Variants in SPATA13 observed in about 807,000 individuals in gnomAD.
SPATA13 encodes spermatogenesis-associated protein 13.
Under a neutral mutation model 104.0 loss-of-function variants are expected in SPATA13, and 50 were observed. The observed-to-expected ratio is 0.48, with a 90% CI of 0.38 to 0.61. The LOEUF is 0.61. Ranked by LOEUF, SPATA13 falls within the 20% of genes least tolerant of loss-of-function variation. The probability of loss-of-function intolerance (pLI) is 0.00; values close to 1 mark genes in which losing one functional copy is unlikely to be tolerated. For synonymous variants in SPATA13, 606 were observed against 667.5 expected, an observed-to-expected ratio of 0.91 and a Z score of 1.42; for missense variants, 1,524 against 1,690.6, an observed-to-expected ratio of 0.90 and a Z score of 1.73.
chr13:24,271,635 G>T (rs1341862337), intron 4 of SPATA13, among the ~76,000 whole-genome samples: 1 of 152,166 alleles, frequency 6.6e-6, no homozygotes, highest in Non-Finnish European at 1.5e-5. Context: ...TGAAAAGGAA[G>T]TAAGAAAAAA....
At chr13:24,060,660 G>A (rs982535596) in intron 3 of SPATA13, among the ~76,000 whole-genome samples, 1 of 152,046 alleles carries the variant, frequency 6.6e-6, no homozygotes, top group Non-Finnish European at 1.5e-5. Context: ...TACAGAATGG[G>A]AGAAAATATG....
At chr13:24,113,612 C>A (rs1010513209) in intron 3 of SPATA13, among the ~76,000 whole-genome samples, 1 of 150,636 alleles carries the variant, frequency 6.6e-6, no homozygotes, top group African/African-American at 2.4e-5. Flanking sequence ...TGGCTTAAGC[C>A]TGTAATCCCA....
intron 1 of SPATA13, among the ~76,000 whole-genome samples, chr13:24,181,086 A>T (rs1868772805): frequency 6.6e-6 from 1 of 152,176 alleles, no homozygotes; most frequent in South Asian, 2.1e-4. Context: ...ATACGGTATA[A>T]AAGTTTTTTT....
chr13:24,246,685 G>A (rs978976693), intron 2 of SPATA13, among the ~76,000 whole-genome samples: 2 of 152,048 alleles, frequency 1.3e-5, no homozygotes, highest in Non-Finnish European at 2.9e-5. Context: ...TGGTGAAACC[G>A]TGTCTCTGCT....
chr13:24,256,954 G>A (rs1322876690), intron 4 of SPATA13, among the ~76,000 whole-genome samples: 1 of 152,098 alleles, frequency 6.6e-6, no homozygotes, highest in Non-Finnish European at 1.5e-5. Flanking sequence ...ATTTTCCTGG[G>A]GAATTATCTT....
At position 24,019,097 on chromosome 13, in the gene SPATA13, T is replaced by A. The variant is rs934140215; in HGVS notation, c.-112+1396T>A. Reference sequence around the variant, plus strand: ...ATTCTTATTATTATTATTATTATTTTTTTTTTTTTGAGACGGAGTCTCGCT... The same window carrying A: ...ATTCTTATTATTATTATTATTATTTATTTTTTTTTGAGACGGAGTCTCGCT... On this transcript the variant is annotated intron_variant, in intron 3 of 14. Transcript: ENST00000424834. Among the ~76,000 whole-genome samples, 74 of 149,506 alleles carry A rather than the reference T, an allele frequency of 4.9e-4. 1 individual carries two copies. The highest frequency in any genetic ancestry group is 1.7e-3 in the African/African-American group (71 of 41,026).
At chr13:23,987,023 G>GTGTGTGTT (rs1875179075) in intron 2 of SPATA13, among the ~76,000 whole-genome samples, 1 of 151,716 alleles carries the variant, frequency 6.6e-6, no homozygotes, top group African/African-American at 2.4e-5. Context: ...GTGTGTGTGT[G>GTGTGTGTT]TGTGTGTGTG....
intron 3 of SPATA13, among the ~76,000 whole-genome samples, chr13:24,110,723 A>G (rs1880612068): frequency 1.3e-5 from 2 of 152,210 alleles, no homozygotes; most frequent in Non-Finnish European, 2.9e-5. Context: ...TGGGGAATAC[A>G]TATGTAACCT....
At chr13:24,118,337 A>G (rs1224190280) in intron 3 of SPATA13, among the ~76,000 whole-genome samples, 1 of 152,198 alleles carries the variant, frequency 6.6e-6, no homozygotes, top group African/African-American at 2.4e-5. Flanking sequence ...CACATGTACA[A>G]AATTGCTTAT....
intron 3 of SPATA13, among the ~76,000 whole-genome samples, chr13:24,116,549 C>T (rs558787866): frequency 6.6e-6 from 1 of 152,304 alleles, no homozygotes; most frequent in East Asian, 1.9e-4. Flanking sequence ...TCTTCATTAT[C>T]TCAGGCAGTC....
intron 1 of SPATA13, among the ~76,000 whole-genome samples, chr13:24,203,031 T>C (rs887654909): frequency 1.3e-5 from 2 of 152,108 alleles, no homozygotes; most frequent in African/African-American, 4.8e-5. Context: ...GTTTGTTACA[T>C]AGGTAAACGT....
At chr13:24,114,407 A>T (rs1880763589) in intron 3 of SPATA13, among the ~76,000 whole-genome samples, 1 of 75,224 alleles carries the variant, frequency 1.3e-5, no homozygotes, top group Non-Finnish European at 3.4e-5. Context: ...GTGTGCACAC[A>T]TGTAGAGCCT....
chr13:24,123,374 C>T (rs1881103923), intron 3 of SPATA13: 3 of 1,288,728 alleles, frequency 2.3e-6, no homozygotes, highest in Middle Eastern at 2.2e-4. Flanking sequence ...CCCAGCAAGC[C>T]CTTGCTCTCA....
At chr13:24,196,206 G>A (rs1188644620) in intron 1 of SPATA13, among the ~76,000 whole-genome samples, 4 of 152,142 alleles carry the variant, frequency 2.6e-5, no homozygotes, top group African/African-American at 9.7e-5. Context: ...CAGTACTCCT[G>A]TGGAGTTTTC....
At chr13:23,984,368 G>A (rs906985321) in intron 2 of SPATA13, among the ~76,000 whole-genome samples, 1 of 152,240 alleles carries the variant, frequency 6.6e-6, no homozygotes, top group African/African-American at 2.4e-5. Flanking sequence ...TGCCTTCAAA[G>A]GGAGGGAGAG....
chr13:24,131,801 G>C (rs2137835612), intron 3 of SPATA13, among the ~76,000 whole-genome samples: 1 of 152,306 alleles, frequency 6.6e-6, no homozygotes, highest in South Asian at 2.1e-4. Context: ...ACTGGGAAGA[G>C]AGAGGATGAG....
intron 3 of SPATA13, among the ~76,000 whole-genome samples, chr13:24,065,625 C>T (rs2137759529): frequency 6.6e-6 from 1 of 151,786 alleles, no homozygotes; most frequent in Non-Finnish European, 1.5e-5. Flanking sequence ...GAGACGTCCC[C>T]TAAGCCACAC....
intron 3 of SPATA13, among the ~76,000 whole-genome samples, chr13:24,148,944 A>G (rs1170404493): frequency 6.6e-6 from 1 of 152,208 alleles, no homozygotes; most frequent in African/African-American, 2.4e-5. Flanking sequence ...ATGCTCTCCT[A>G]TGCATGCCAC....
intron 3 of SPATA13, among the ~76,000 whole-genome samples, chr13:24,030,992 A>C (rs1392769783): frequency 6.6e-6 from 1 of 152,272 alleles, no homozygotes; most frequent in Non-Finnish European, 1.5e-5. Flanking sequence ...TAACCGTTCA[A>C]TTCTAGCTCT....
Sources: allele counts gnomAD v4.1 joint callset (sites outside exome capture counted in the v4.1 genomes callset), GRCh38; gene constraint gnomAD v4.1.1; transcripts MANE v1.5; gene names NCBI Gene and HGNC (gene_info 2026-07-23, HGNC 2026-07-21).